The following NOX4 variants were observed in gnomAD, a reference collection of about 807,000 sequenced individuals.
NOX4 encodes the protein kidney oxidase-1.
Under a neutral mutation model 87.6 loss-of-function variants are expected in NOX4, and 69 were observed. That is an observed-to-expected ratio of 0.79 (90% CI 0.65 to 0.96). The LOEUF (loss-of-function observed/expected upper bound fraction) is 0.96. NOX4 is among the 40% of genes least tolerant of loss of function. The pLI is 0.00. For missense variants in NOX4, 680 were observed against 681.5 expected, an observed-to-expected ratio of 1.00 and a Z score of 0.02; for synonymous variants, 275 against 238.2, an observed-to-expected ratio of 1.15 and a Z score of -1.42.
chr11:89,424,193 T>A (rs1394150042), intron 7 of NOX4, among the ~76,000 whole-genome samples: 1 of 151,942 alleles, frequency 6.6e-6, no homozygotes, highest in African/African-American at 2.4e-5. Context: ...TATTATATGT[T>A]TTGCTGCAAT....
the NOX4 span, among the ~76,000 whole-genome samples, chr11:89,510,946 T>C: frequency 6.6e-6 from 1 of 152,046 alleles, no homozygotes; most frequent in Non-Finnish European, 1.5e-5. Flanking sequence ...TTTCTCCTAA[T>C]TTTAACACAA....
At chr11:89,509,685 A>G in the NOX4 span, among the ~76,000 whole-genome samples, 290 of 152,176 alleles carry the variant, frequency 1.9e-3, no homozygotes, top group Non-Finnish European at 3.6e-3. Context: ...GAAATTAATC[A>G]GCCTTGAAAG....
At chr11:89,452,112 C>G (rs1944988081) in intron 2 of NOX4, among the ~76,000 whole-genome samples, 1 of 152,192 alleles carries the variant, frequency 6.6e-6, no homozygotes, top group South Asian at 2.1e-4. Flanking sequence ...TAGTACTCCT[C>G]TCATTAATGC....
At chr11:89,563,569 A>G in the NOX4 span, among the ~76,000 whole-genome samples, 67 of 152,316 alleles carry the variant, frequency 4.4e-4, no homozygotes, top group African/African-American at 1.5e-3. Context: ...AAAATACAGA[A>G]AAACATGTTT....
rs35629731 is a variant in NOX4 at position 89,441,967 on chromosome 11, AT to A, written c.448-1253del. On this transcript the variant is annotated intron_variant, in intron 5 of 17. Coordinates refer to ENST00000263317, the MANE Select transcript of NOX4 (RefSeq NM_016931.5). ...GTTGACTATATATATATATATATAT[AT>A]ATAATCAATATATAAATATATCAAT... Among the ~76,000 whole-genome samples, 10 of 147,914 alleles carry A rather than the reference AT, an allele frequency of 6.8e-5. No homozygotes were observed. The South Asian group carries it at 1.1e-3, about 16-fold the overall frequency.
intron 12 of NOX4, among the ~76,000 whole-genome samples, chr11:89,362,195 C>G (rs1053708014): frequency 6.6e-6 from 1 of 152,006 alleles, no homozygotes; most frequent in Non-Finnish European, 1.5e-5. Flanking sequence ...CACACACACA[C>G]ACACCTTCTA....
chr11:89,528,599 A>C, the NOX4 span, among the ~76,000 whole-genome samples: 2 of 152,266 alleles, frequency 1.3e-5, no homozygotes, highest in East Asian at 3.9e-4. Flanking sequence ...TGGTTTTATA[A>C]GGGACACTTC....
At chr11:89,568,840 T>C in the NOX4 span, among the ~76,000 whole-genome samples, 2 of 152,116 alleles carry the variant, frequency 1.3e-5, no homozygotes, top group Non-Finnish European at 2.9e-5. Flanking sequence ...TGCAACAGGA[T>C]AGAGAACCCA....
the NOX4 span, among the ~76,000 whole-genome samples, chr11:89,535,232 ATG>A: frequency 6.6e-6 from 1 of 152,252 alleles, no homozygotes; most frequent in Admixed American, 6.5e-5. Context: ...TTTTATGAAT[ATG>A]TGTTACAGAC....
upstream of NOX4, among the ~76,000 whole-genome samples, chr11:89,493,006 G>A (rs577748901): frequency 1.6e-4 from 25 of 152,174 alleles, no homozygotes; most frequent in Non-Finnish European, 3.2e-4. Flanking sequence ...TAAGTCCCAG[G>A]CTCTGTCTTT....
chr11:89,577,511 C>A, the NOX4 span: 1 of 152,066 alleles, frequency 6.6e-6, no homozygotes, highest in Non-Finnish European at 1.5e-5. Context: ...ATATTGCTTG[C>A]CATTTGACAA....
At chr11:89,539,232 G>A in the NOX4 span, among the ~76,000 whole-genome samples, 1 of 152,102 alleles carries the variant, frequency 6.6e-6, no homozygotes, top group Non-Finnish European at 1.5e-5. Flanking sequence ...AGGAGATCGA[G>A]ACGATCCTGG....
chr11:89,496,974 T>C (rs886577352), upstream of NOX4, among the ~76,000 whole-genome samples: 1 of 152,170 alleles, frequency 6.6e-6, no homozygotes, highest in African/African-American at 2.4e-5. Context: ...AACCATGATA[T>C]TAAGTAGTAG....
At position 89,424,079 on chromosome 11, in the gene NOX4, AT is replaced by A. The variant is rs1265957101; in HGVS notation, c.549-2098del. 3.3e-5 allele frequency among the ~76,000 whole-genome samples: 5 copies of A among 151,810 alleles called. No homozygotes were observed. In the East Asian group the frequency reaches 7.8e-4, roughly 24 times the overall value. ...GAGAGAAAGACCCTGTCTCAAAAAA[AT>A]ATATATATAATAATTAAGGAAGAAC... On this transcript the variant is annotated intron_variant, in intron 7 of 17. Coordinates refer to ENST00000263317, the MANE Select transcript of NOX4 (RefSeq NM_016931.5).
intron 11 of NOX4, among the ~76,000 whole-genome samples, chr11:89,399,301 T>C (rs1451466332): frequency 6.6e-6 from 1 of 150,858 alleles, no homozygotes; most frequent in African/African-American, 2.4e-5. Context: ...TTTTGTTTAA[T>C]GTTTCCACCT....
intron 1 of NOX4, chr11:89,490,964 C>CTCA (rs2135499712): frequency 1.7e-6 from 1 of 601,564 alleles, no homozygotes; most frequent in Non-Finnish European, 3.1e-6. Context: ...TCCTCCACAT[C>CTCA]TCTCCCATCA....
the NOX4 span, among the ~76,000 whole-genome samples, chr11:89,509,064 A>G: frequency 1.0e-5 from 1 of 96,698 alleles, no homozygotes; most frequent in African/African-American, 3.1e-5. Context: ...TATTTTTTAA[A>G]TAATGAATAT....
chr11:89,438,381 T>G (rs1294037958), intron 6 of NOX4, among the ~76,000 whole-genome samples: 1 of 115,494 alleles, frequency 8.7e-6, no homozygotes, highest in African/African-American at 3.5e-5. Flanking sequence ...ATATAATATA[T>G]AATATATAAT....
chr11:89,383,096 C>T (rs1208589992), intron 11 of NOX4, among the ~76,000 whole-genome samples: 23 of 152,134 alleles, frequency 1.5e-4, no homozygotes, highest in Non-Finnish European at 2.6e-4. Flanking sequence ...AGGAATTAAT[C>T]AACCTCGCCT....
Sources: allele counts gnomAD v4.1 joint callset (sites outside exome capture counted in the v4.1 genomes callset), GRCh38; gene constraint gnomAD v4.1.1; transcripts MANE v1.5; gene names NCBI Gene and HGNC (gene_info 2026-07-23, HGNC 2026-07-21).